POTEI: variants seen among roughly 807,000 people sequenced by gnomAD.
POTEI encodes the protein POTE ankyrin domain family, member I.
In POTEI, 14 loss-of-function variants were observed where a neutral mutation model predicts 43.4. That is an observed-to-expected ratio of 0.32 (90% CI 0.21 to 0.50). The LOEUF is 0.50. POTEI is among the 20% of genes least tolerant of loss of function. The pLI is 0.98. For synonymous variants in POTEI, 95 were observed against 297.9 expected (o/e 0.32, Z 7.01); for missense variants, 235 against 795.4 (o/e 0.30, Z 8.47).
intron 5 of POTEI, among the ~76,000 whole-genome samples, chr2:130,498,312 C>A: frequency 2.5e-5 from 1 of 39,350 alleles, no homozygotes; most frequent in East Asian, 9.0e-4. Flanking sequence ...TAATTCCTGG[C>A]TAAGATGTGG....
chr2:130,482,514 AAAAC>A lies in POTEI; in HGVS notation c.1410-445_1410-442del, dbSNP rs1430875829. On this transcript the variant is annotated intron_variant, in intron 9 of 14. Coordinates refer to ENST00000451531, the MANE Select transcript of POTEI (RefSeq NM_001277406.2). ...TTTTTTAAATGCTCAAAGAAATAGT[AAAAC>A]AATGGAATAATTTGTTCCTAAACTT... Among the ~76,000 whole-genome samples, 4 of 150,596 alleles carry A rather than the reference AAAAC, an allele frequency of 2.7e-5. 1 individual carries two copies. The highest frequency in any genetic ancestry group is 4.2e-4 in the South Asian group (2 of 4,798).
rs1461154266 is a variant in POTEI at position 130,460,814 on chromosome 2, TGCAGAG to T, written c.*1996_*2001del. 7.1e-6 allele frequency: 1 copy of T among 141,294 alleles called. No individual in the cohort carries two copies. Among genetic ancestry groups the T allele is most frequent in the African/African-American group, 2.8e-5 (1 of 36,026 alleles). 8.8% of individuals were successfully genotyped at this position (141,294 alleles called of 1,614,324 possible). A position where few individuals can be genotyped will look rare whatever the true frequency, so the allele number is the denominator to read the frequency against. ...CTGAGGGCAGCAAGGGCAGTTCCAC[TGCAGAG>T]GCAGTGGCAGAAAGGATTTCATTTG... On this transcript the variant is annotated 3_prime_UTR_variant, in exon 15 of 15. Transcript: ENST00000451531.
intron 13 of POTEI, among the ~76,000 whole-genome samples, chr2:130,468,831 C>A (rs1353680575): frequency 2.0e-5 from 3 of 152,008 alleles, no homozygotes; most frequent in African/African-American, 7.3e-5. Flanking sequence ...CACTTTTAAC[C>A]TATTCAGTCA....
intron 10 of POTEI, among the ~76,000 whole-genome samples, chr2:130,480,586 T>C (rs1291610909): frequency 7.5e-6 from 1 of 132,876 alleles, no homozygotes; most frequent in Non-Finnish European, 1.6e-5. Context: ...CTTCTCACTC[T>C]GCATGCTTAC....
In POTEI at chr2:130,468,708, G is replaced by GT. The variant is rs1368342572; in HGVS notation, c.1779-2937_1779-2936insA. On this transcript the variant is annotated intron_variant, in intron 13 of 14. Coordinates refer to ENST00000451531, the MANE Select transcript of POTEI (RefSeq NM_001277406.2). ...GAAACACAAAGCCAAACTATTGGGGGGGGGGGTATCCTTATTTTTAAAATA... is the reference window on the plus strand; with the variant it reads ...GAAACACAAAGCCAAACTATTGGGGGTGGGGGGTATCCTTATTTTTAAAATA... Among the ~76,000 whole-genome samples, 6 of 151,044 alleles carry GT rather than the reference G, an allele frequency of 4.0e-5. No homozygotes were observed. In the South Asian group the frequency reaches 1.3e-3, roughly 32 times the overall value.
At position 130,505,073 on chromosome 2, in the gene POTEI, C is replaced by T. The variant is rs572823182; in HGVS notation, c.522-1179G>A. The stretch of plus-strand genomic sequence containing the variant: ...CTGCTTCTTTCCCTCTTCCCACCCT[C>T]CACCCTCTGATAGGCCCCAGTGTGT... On this transcript the variant is annotated intron_variant, in intron 1 of 14. Transcript: ENST00000451531. Among the ~76,000 whole-genome samples, 557 of 149,750 alleles carry T rather than the reference C, an allele frequency of 3.7e-3. 19 individuals are homozygous for T. Among genetic ancestry groups the T allele is most frequent in the Middle Eastern group, 0.014 (4 of 294 alleles).
chr2:130,493,866 C>A (rs1683829898), intron 6 of POTEI, among the ~76,000 whole-genome samples: 1 of 36,046 alleles, frequency 2.8e-5, no homozygotes. Context: ...CAAAGGCCAA[C>A]ATATTAAAAC....
rs2443669 is a variant in POTEI at position 130,464,197 on chromosome 2, T to C, written c.1900-53A>G. ...AGCACTCAATAGATTGACATATCAT[T>C]ATTTCTTCTGAAATTCAAAAATAAC... On this transcript the variant is annotated intron_variant, in intron 14 of 14. Coordinates refer to ENST00000451531, the MANE Select transcript of POTEI (RefSeq NM_001277406.2). The C allele has an allele frequency of 3.7e-3, 215 of 58,306 alleles. 72 individuals are homozygous for C. The highest frequency in any genetic ancestry group is 8.6e-3 in the African/African-American group (205 of 23,734). 3.6% of individuals were successfully genotyped at this position (58,306 alleles called of 1,614,324 possible).
At chr2:130,491,800 A>G (rs543171156) in intron 6 of POTEI, among the ~76,000 whole-genome samples, 1 of 107,178 alleles carries the variant, frequency 9.3e-6, no homozygotes, top group Non-Finnish European at 2.0e-5. Flanking sequence ...GATTACAGGC[A>G]TGCACCATCA....
chr2:130,464,563 C>T (rs1041035197), intron 14 of POTEI, among the ~76,000 whole-genome samples: 4 of 149,744 alleles, frequency 2.7e-5, no homozygotes, highest in Non-Finnish European at 5.9e-5. Flanking sequence ...ACCTATCAAC[C>T]ACACCATCCT....
At chr2:130,504,821 T>A (rs1310023374) in intron 1 of POTEI, among the ~76,000 whole-genome samples, 1 of 146,566 alleles carries the variant, frequency 6.8e-6, no homozygotes, top group African/African-American at 2.5e-5. Flanking sequence ...TGTATGTACA[T>A]CAGATATTTC....
chr2:130,484,238 T>G (rs1683507515), intron 9 of POTEI, among the ~76,000 whole-genome samples: 1 of 150,080 alleles, frequency 6.7e-6, no homozygotes, highest in Non-Finnish European at 1.5e-5. Context: ...TATTTGTATA[T>G]CAAAGACTCT....
chr2:130,460,603 CACTT>C lies in POTEI; in HGVS notation c.*2209_*2212del, dbSNP rs1682596298. On this transcript the variant is annotated 3_prime_UTR_variant, in exon 15 of 15. Coordinates refer to ENST00000451531, the MANE Select transcript of POTEI (RefSeq NM_001277406.2). The stretch of plus-strand genomic sequence containing the variant: ...TCCCAGAGACATGTGAGTTAGCAAT[CACTT>C]AGTGTAATCAGCCCAGGATGGAGGG... 1 of 145,296 alleles carries C rather than the reference CACTT, an allele frequency of 6.9e-6. No homozygotes were observed. Among genetic ancestry groups the C allele is most frequent in the Admixed American group, 7.0e-5 (1 of 14,386 alleles). The allele number at this position is 145,296 out of a possible 1,614,324, so 9.0% of individuals were successfully genotyped here.
rs1256925391 is a variant in POTEI, at chr2:130,495,453, G to C, written c.1126+1099C>G. ...TTTCTTTGTAAATTCTGTTGAAAAAGCACAGAAATGAAATGGAGACAGCTC... is the reference window on the plus strand; with the variant it reads ...TTTCTTTGTAAATTCTGTTGAAAAACCACAGAAATGAAATGGAGACAGCTC... On this transcript the variant is annotated intron_variant, in intron 6 of 14. Coordinates refer to ENST00000451531, the MANE Select transcript of POTEI (RefSeq NM_001277406.2). Among the ~76,000 whole-genome samples, 3 of 43,292 alleles carry C rather than the reference G, an allele frequency of 6.9e-5. 1 individual carries two copies. Among genetic ancestry groups the C allele is most frequent in the African/African-American group, 1.7e-4 (3 of 18,104 alleles). 28.4% of individuals were successfully genotyped at this position (43,292 alleles called of 152,430 possible).
chr2:130,468,744 A>C (rs1209574650), intron 13 of POTEI, among the ~76,000 whole-genome samples: 1 of 152,036 alleles, frequency 6.6e-6, no homozygotes, highest in Non-Finnish European at 1.5e-5. Context: ...TCTAAATGTC[A>C]TTATTTATAA....
intron 10 of POTEI, among the ~76,000 whole-genome samples, chr2:130,477,617 A>G (rs1382559655): frequency 6.9e-6 from 1 of 145,498 alleles, no homozygotes; most frequent in Admixed American, 6.8e-5. Flanking sequence ...CTCTGCTCCA[A>G]GACTGCAGGG....
intron 13 of POTEI, among the ~76,000 whole-genome samples, chr2:130,474,116 C>T (rs140781198): frequency 0.016 from 2,390 of 146,648 alleles, 202 homozygotes; most frequent in African/African-American, 0.06. Context: ...CACACGTACC[C>T]GAAGCTAAAA....
intron 10 of POTEI, among the ~76,000 whole-genome samples, chr2:130,477,899 C>A (rs1683260498): frequency 7.5e-6 from 1 of 133,944 alleles, no homozygotes; most frequent in South Asian, 2.4e-4. Flanking sequence ...TATTTGCCTA[C>A]AATAGAAGGA....
chr2:130,509,291 C>G lies in POTEI; in HGVS notation c.-56G>C, dbSNP rs1179441681. On this transcript the variant is annotated 5_prime_UTR_variant, in exon 1 of 15. Transcript: ENST00000451531. ...TAGCGAGCAGATCACGTCTACCAAC[C>G]AGTTTCACCAACTAGCAGGTAACTC... 1 of 788,570 alleles carries G rather than the reference C, an allele frequency of 1.3e-6. No homozygotes were observed. The highest frequency in any genetic ancestry group is 3.1e-5 in the East Asian group (1 of 31,852). 48.8% of individuals were successfully genotyped at this position (788,570 alleles called of 1,614,324 possible).
Sources: gnomAD v4.1 joint callset for allele counts (sites outside exome capture counted in the v4.1 genomes callset) on GRCh38, gnomAD v4.1.1 for gene constraint, MANE v1.5 for transcripts, NCBI Gene and HGNC (gene_info 2026-07-23, HGNC 2026-07-21) for gene names.